The following ERICH6 variants were observed in gnomAD, a reference collection of about 807,000 sequenced individuals.
ERICH6 encodes the protein glutamate-rich protein 6.
A neutral mutation model predicts 71.0 loss-of-function variants in ERICH6; 71 were observed. The ratio of observed to expected loss-of-function variants is 1.00; its 90% CI spans 0.83 to 1.22. ERICH6 has a LOEUF of 1.22. Among genes scored for constraint, ERICH6 ranks in the 50% most tolerant of loss-of-function variants. The pLI is 0.00. For missense variants in ERICH6, 808 were observed against 797.2 expected, an observed-to-expected ratio of 1.01 and a Z score of -0.16; for synonymous variants, 262 against 278.4, an observed-to-expected ratio of 0.94 and a Z score of 0.59.
intron 10 of ERICH6, among the ~76,000 whole-genome samples, chr3:150,675,146 T>C (rs1251270203): frequency 6.6e-6 from 1 of 152,040 alleles, no homozygotes; most frequent in Non-Finnish European, 1.5e-5. Context: ...AAATAAGAGG[T>C]AGGCTAAAAT....
chr3:150,659,974 T>C lies in ERICH6; in HGVS notation c.1910A>G (p.Lys637Arg). 2 of 1,614,164 alleles carry C rather than the reference T, an allele frequency of 1.2e-6. No homozygotes were observed. Among genetic ancestry groups the C allele is most frequent in the Non-Finnish European group, 1.7e-6 (2 of 1,180,020 alleles). ...QPSYLSSLSL[K>R]LIALCHSSGI... ...AGAACTGTGACAAAGGGCAATTAGT[T>C]TTAGAGAAAGTGAAGAAAGGTAGGA... Residue 637 changes from lysine (K) to arginine (R), a missense_variant, in exon 14 of 14, where the codon AAA becomes AGA. Physicochemically the swap from Lys to Arg is conservative, Grantham distance 26. This residue lies in a region of ERICH6 where 736 missense variants were observed against 712.2 expected (regional missense o/e 1.03). Transcript: ENST00000295910.
rs1217889695 is a variant in ERICH6, at chr3:150,669,309, T to G, written c.1486A>C (p.Asn496His). 1 of 1,605,996 alleles carries G rather than the reference T, an allele frequency of 6.2e-7. No individual in the cohort carries two copies. The highest frequency in any genetic ancestry group is 8.5e-7 in the Non-Finnish European group (1 of 1,177,236). Reference sequence around the variant, plus strand: ...CTAGAAGCTTACCAGACATTTCCATTGGGATGATAGCAGGAACTTCTGCCA... The same window carrying G: ...CTAGAAGCTTACCAGACATTTCCATGGGGATGATAGCAGGAACTTCTGCCA... ...SSGRSSCYHPNGNVWVYINIL... is the reference protein window; with the variant it reads ...SSGRSSCYHPHGNVWVYINIL... Residue 496 changes from asparagine to histidine, a missense_variant, in exon 12 of 14, where the codon AAT becomes CAT. Coordinates refer to ENST00000295910, the MANE Select transcript of ERICH6 (RefSeq NM_152394.5).
intron 9 of ERICH6, 144 bp downstream of exon 9, chr3:150,680,324 T>G (rs1711852994): frequency 1.3e-6 from 1 of 782,534 alleles, no homozygotes; most frequent in South Asian, 1.9e-5. Context: ...CACCTTGGCT[T>G]CCCAAAGTGT....
At position 150,660,042 on chromosome 3, in the gene ERICH6, C is replaced by T. The variant is rs1727151731; in HGVS notation, c.1842G>A (p.Val614=). ...CCCAAACCTGGCTTGAGGGAAAATTCACACATCCTTCAAGTTTATGAAACA... is the reference window on the plus strand; with the variant it reads ...CCCAAACCTGGCTTGAGGGAAAATTTACACATCCTTCAAGTTTATGAAACA... ...RRLFHKLEGC[V]NFPSSQVWEK... Residue 614 remains valine, a synonymous_variant, in exon 14 of 14, where the codon GTG becomes GTA. Transcript: ENST00000295910. 1 of 1,614,040 alleles carries T rather than the reference C, an allele frequency of 6.2e-7. No homozygotes were observed. Among genetic ancestry groups the T allele is most frequent in the South Asian group, 1.1e-5 (1 of 91,074 alleles).
At chr3:150,681,085 A>C (rs1576554430) in intron 7 of ERICH6, among the ~76,000 whole-genome samples, 155 bp from the exon 8 acceptor site, 2 of 150,902 alleles carry the variant, frequency 1.3e-5, no homozygotes, top group East Asian at 3.8e-4. Context: ...CATACAATTC[A>C]CCCATTTAAA....
At chr3:150,660,456 C>G (rs982559360) in intron 13 of ERICH6, among the ~76,000 whole-genome samples, 5 of 152,168 alleles carry the variant, frequency 3.3e-5, no homozygotes, top group African/African-American at 9.7e-5. Context: ...AGTCCCTTGC[C>G]TGGAAAGTAC....
At chr3:150,702,063 T>G (rs1339710769) in intron 2 of ERICH6, 58 bp downstream of exon 2, 11 of 1,158,518 alleles carry the variant, frequency 9.5e-6, no homozygotes, top group Non-Finnish European at 1.2e-5. Flanking sequence ...AACATGTTTA[T>G]CCAAAAGGTA....
At chr3:150,669,165 G>A (rs1711496534) in intron 12 of ERICH6, 131 bp downstream of exon 12, 3 of 987,762 alleles carry the variant, frequency 3.0e-6, no homozygotes, top group African/African-American at 1.7e-5. Flanking sequence ...TCTCTGAGTT[G>A]AACATTACCA....
intron 2 of ERICH6, among the ~76,000 whole-genome samples, chr3:150,701,211 T>A (rs1712857790): frequency 6.6e-6 from 1 of 152,166 alleles, no homozygotes; most frequent in Admixed American, 6.5e-5. Flanking sequence ...AATTTTTCAT[T>A]ATAGTCAATA....
Position 150,684,480 on chromosome 3 carries a change from G to A in ERICH6, c.783+1262C>T, listed in dbSNP as rs1236518043. ...CATGACATGTTGCCTTGCATGATTC[G>A]TGCCCCTTATTGTTAATGAATAAAC... On this transcript the variant is annotated intron_variant, in intron 6 of 13. Coordinates refer to ENST00000295910, the MANE Select transcript of ERICH6 (RefSeq NM_152394.5). Among the ~76,000 whole-genome samples, 15 of 152,014 alleles carry A rather than the reference G, an allele frequency of 9.9e-5. No homozygotes were observed. The East Asian group carries it at 1.9e-3, about 20-fold the overall frequency.
chr3:150,691,225 T>A (rs1347223878), intron 3 of ERICH6, among the ~76,000 whole-genome samples: 1 of 152,230 alleles, frequency 6.6e-6, no homozygotes, highest in Non-Finnish European at 1.5e-5. Flanking sequence ...TGTAATGGGA[T>A]ACATACTTGT....
intron 11 of ERICH6, among the ~76,000 whole-genome samples, chr3:150,669,923 G>A (rs1318620381): frequency 2.0e-5 from 3 of 152,144 alleles, no homozygotes. Flanking sequence ...GCTGGGCATG[G>A]TGGCTCATGC....
At chr3:150,696,101 C>T (rs1712646734) in intron 3 of ERICH6, among the ~76,000 whole-genome samples, 1 of 151,652 alleles carries the variant, frequency 6.6e-6, no homozygotes, top group African/African-American at 2.4e-5. Context: ...ACCAATAGTT[C>T]AGTGGAACAG....
intron 12 of ERICH6, among the ~76,000 whole-genome samples, chr3:150,667,701 A>G (rs563447691): frequency 4.1e-4 from 63 of 152,298 alleles, no homozygotes; most frequent in Admixed American, 1.9e-3. Context: ...GTGCCATTCT[A>G]TTCAGTTATC....
At chr3:150,702,848 G>C (rs1219731037) in intron 1 of ERICH6, among the ~76,000 whole-genome samples, 4 of 143,980 alleles carry the variant, frequency 2.8e-5, no homozygotes, top group Non-Finnish European at 4.5e-5. Context: ...GACTGTTTCA[G>C]TAGTACAGCA....
rs1711753616 is a variant in ERICH6, at chr3:150,678,554, T to C, written c.1112A>G (p.Asp371Gly). ...AGAAATTGTTTTTAAGCGCTTTGAA[T>C]CTAGTGGGAAAAGAATCACATAGAA... ...SREQTHFSED[D>G]SKRLKTISYQ... Residue 371 changes from aspartate to glycine, a missense_variant and splice_region_variant, in exon 10 of 14, where the codon GAT becomes GGT. Coordinates refer to ENST00000295910, the MANE Select transcript of ERICH6 (RefSeq NM_152394.5). 6.3e-7 allele frequency: 1 copy of C among 1,589,404 alleles called. No homozygotes were observed. The highest frequency in any genetic ancestry group is 1.4e-5 in the African/African-American group (1 of 73,474).
intron 3 of ERICH6, among the ~76,000 whole-genome samples, chr3:150,698,577 AT>A (rs1712741468): frequency 6.6e-6 from 1 of 152,240 alleles, no homozygotes; most frequent in Non-Finnish European, 1.5e-5. Flanking sequence ...ATTTAATCTT[AT>A]TTTGATCTTC....
chr3:150,682,883 C>G (rs778943905), intron 6 of ERICH6, among the ~76,000 whole-genome samples: 1 of 151,972 alleles, frequency 6.6e-6, no homozygotes, highest in Non-Finnish European at 1.5e-5. Flanking sequence ...GAAGGTAATT[C>G]AGGACAGGGA....
Position 150,700,174 on chromosome 3 carries a change from A to G in ERICH6, c.462-1292T>C, listed in dbSNP as rs143266934. 3.8e-3 allele frequency among the ~76,000 whole-genome samples: 566 copies of G among 150,730 alleles called. 6 individuals carry two copies. The highest frequency in any genetic ancestry group is 0.013 in the African/African-American group (533 of 40,890). On this transcript the variant is annotated intron_variant, in intron 2 of 13. Coordinates refer to ENST00000295910, the MANE Select transcript of ERICH6 (RefSeq NM_152394.5). ...ACTGCAAGCACTTCCTCCAAGGTTCACACCATTCTCCTGCCTCAGCCTCCA... is the reference window on the plus strand; with the variant it reads ...ACTGCAAGCACTTCCTCCAAGGTTCGCACCATTCTCCTGCCTCAGCCTCCA...
Sources: gnomAD v4.1 joint callset for allele counts (sites outside exome capture counted in the v4.1 genomes callset) on GRCh38, gnomAD v4.1.1 for gene constraint, gnomAD v4.1.1 regional missense constraint, MANE v1.5 for transcripts, NCBI Gene and HGNC (gene_info 2026-07-23, HGNC 2026-07-21) for gene names.